Variants in ART3 observed in about 807,000 individuals in gnomAD.
ART3 encodes ecto-ADP-ribosyltransferase 3.
ART3 carries 49 observed loss-of-function variants against 48.5 expected under a neutral mutation model. That is an observed-to-expected ratio of 1.01 (90% confidence interval 0.80 to 1.28). The LOEUF is 1.28. Among genes scored for constraint, ART3 ranks in the 50% most tolerant of loss-of-function variants. The pLI is 0.00. For missense variants in ART3, 438 were observed against 454.3 expected (o/e 0.96, Z 0.33); for synonymous variants, 145 against 157.2 (o/e 0.92, Z 0.58).
chr4:76,021,155 A>G (rs530875106), intron 1 of ART3: 1 of 152,414 alleles, frequency 6.6e-6, no homozygotes, highest in African/African-American at 2.4e-5. Context: ...TGATCTTTCA[A>G]CATTTAGATA....
intron 1 of ART3, among the ~76,000 whole-genome samples, chr4:76,016,216 C>T (rs1732242357): frequency 6.6e-6 from 1 of 152,178 alleles, no homozygotes; most frequent in Admixed American, 6.5e-5. Flanking sequence ...GAAAAGTTTG[C>T]TGCTAGACAT....
intron 1 of ART3, among the ~76,000 whole-genome samples, chr4:76,047,033 C>T (rs10025412): frequency 0.59 from 89,647 of 151,664 alleles, 27,652 homozygotes; most frequent in East Asian, 0.94. Flanking sequence ...GTCCTGTTGT[C>T]GCATCATCTG....
At chr4:76,036,802 T>C in intron 1 of ART3, 1 of 252,672 alleles carries the variant, frequency 4.0e-6, no homozygotes, top group Admixed American at 4.2e-5. Context: ...GTTGCTCAGC[T>C]CCTCCTGCCT....
chr4:76,063,308 C>A (rs2149484958), intron 1 of ART3, among the ~76,000 whole-genome samples: 1 of 151,956 alleles, frequency 6.6e-6, no homozygotes, highest in East Asian at 1.9e-4. Flanking sequence ...TGAGTCATTG[C>A]AAAAACTTGT....
At chr4:76,044,580 T>C (rs4859602) in intron 1 of ART3, among the ~76,000 whole-genome samples, 93,337 of 151,448 alleles carry the variant, frequency 0.62, 30,096 homozygotes, top group East Asian at 0.94. Context: ...TTCCATCTCT[T>C]TCTTTCTCTC....
intron 2 of ART3, among the ~76,000 whole-genome samples, chr4:76,081,511 C>T (rs1389267004): frequency 6.6e-6 from 1 of 152,198 alleles, no homozygotes; most frequent in Non-Finnish European, 1.5e-5. Context: ...GCCAGGACTG[C>T]CACCCATTTC....
chr4:76,080,583 T>A (rs1722238290), intron 2 of ART3, among the ~76,000 whole-genome samples: 2 of 152,172 alleles, frequency 1.3e-5, no homozygotes, highest in Non-Finnish European at 2.9e-5. Context: ...CAGTCTCCGC[T>A]CCCTGCAACC....
At chr4:76,109,565 G>A (rs1271443761) in intron 11 of ART3, among the ~76,000 whole-genome samples, 1 of 110,752 alleles carries the variant, frequency 9.0e-6, no homozygotes, top group African/African-American at 3.2e-5. Context: ...ATTATCAAAT[G>A]TTATGTATTA....
At chr4:76,048,265 T>C (rs4394024) in intron 1 of ART3, among the ~76,000 whole-genome samples, 89,657 of 151,598 alleles carry the variant, frequency 0.59, 27,662 homozygotes, top group East Asian at 0.94. Context: ...TTTCCCTTCC[T>C]TCTTACAGAA....
chr4:76,080,049 G>C (rs547165178), intron 2 of ART3, among the ~76,000 whole-genome samples: 7 of 152,028 alleles, frequency 4.6e-5, no homozygotes, highest in Non-Finnish European at 1.5e-5. Flanking sequence ...TCCAACTGAG[G>C]TCCCTAAGCA....
At chr4:76,022,388 G>A (rs1189578030) in intron 1 of ART3, 4 of 1,613,626 alleles carry the variant, frequency 2.5e-6, no homozygotes, top group South Asian at 2.2e-5. Flanking sequence ...ACTGCTTTCA[G>A]TAAATTCTTG....
At chr4:76,032,641 A>G (rs1159003624) in intron 1 of ART3, among the ~76,000 whole-genome samples, 2 of 145,324 alleles carry the variant, frequency 1.4e-5, no homozygotes, top group Non-Finnish European at 3.0e-5. Flanking sequence ...CTGGAATGCA[A>G]TGGCATGATC....
chr4:76,021,022 G>C (rs1417146791), intron 1 of ART3: 1 of 152,066 alleles, frequency 6.6e-6, no homozygotes, highest in African/African-American at 2.4e-5. Flanking sequence ...TTTGTCTTCT[G>C]CCCATGCCAC....
At chr4:76,035,244 T>TTGGG in intron 1 of ART3, 1 of 1,614,148 alleles carries the variant, frequency 6.2e-7, no homozygotes, top group Non-Finnish European at 8.5e-7. Context: ...CAGTTGTTAC[T>TTGGG]TGGGTACATT....
chr4:76,031,464 C>T (rs998335240), intron 1 of ART3, among the ~76,000 whole-genome samples: 1 of 151,826 alleles, frequency 6.6e-6, no homozygotes, highest in Admixed American at 6.6e-5. Context: ...TTTTCCTCCT[C>T]CACTCTTTCC....
chr4:76,081,775 T>C (rs771783336), intron 2 of ART3, 49 bp from the exon 3 acceptor site: 4 of 1,534,752 alleles, frequency 2.6e-6, no homozygotes, highest in African/African-American at 2.8e-5. Context: ...GAAAATGATA[T>C]TCACTGAATT....
intron 1 of ART3, among the ~76,000 whole-genome samples, chr4:76,057,641 G>C (rs930157314): frequency 1.3e-5 from 2 of 152,162 alleles, no homozygotes; most frequent in African/African-American, 4.8e-5. Flanking sequence ...ATCACTATTT[G>C]ACATATGAGG....
chr4:76,026,046 T>C (rs1733352923), intron 1 of ART3, among the ~76,000 whole-genome samples: 1 of 152,074 alleles, frequency 6.6e-6, no homozygotes, highest in African/African-American at 2.4e-5. Context: ...CTAAATCCTC[T>C]ATGATCTGGC....
Position 76,011,529 on chromosome 4 carries a change from T to C in ART3, c.-10+209T>C, listed in dbSNP as rs1183816732. 2.6e-5 allele frequency among the ~76,000 whole-genome samples: 4 copies of C among 152,220 alleles called. No homozygotes were observed. In the South Asian group the frequency reaches 6.2e-4, roughly 24 times the overall value. The stretch of plus-strand genomic sequence containing the variant: ...CCCAGAAGGGCCAGGGCACTGGGCT[T>C]AGGGGTAACCCTGGGCCGTGGGCTT... On this transcript the variant is annotated intron_variant, in intron 1 of 9. Transcript: ENST00000341029.
Sources: allele counts gnomAD v4.1 joint callset (sites outside exome capture counted in the v4.1 genomes callset), GRCh38; gene constraint gnomAD v4.1.1; transcripts MANE v1.5; gene names NCBI Gene and HGNC (gene_info 2026-07-23, HGNC 2026-07-21).